Variants in MMP24 observed in about 807,000 individuals in gnomAD.
MMP24 encodes matrix metalloproteinase-24.
A neutral mutation model predicts 62.8 loss-of-function variants in MMP24; 25 were observed. The ratio of observed to expected loss-of-function variants is 0.40; its 90% confidence interval spans 0.29 to 0.56. The LOEUF (loss-of-function observed/expected upper bound fraction) is 0.56. Among genes scored for constraint, MMP24 ranks in the 20% least tolerant of loss-of-function variants. The probability of loss-of-function intolerance (pLI) is 0.50; values close to 1 mark genes in which losing one functional copy is unlikely to be tolerated. For missense variants in MMP24, 634 were observed against 853.6 expected (o/e 0.74, Z 3.21); for synonymous variants, 319 against 350.5 (o/e 0.91, Z 1.00).
At chr20:35,256,946 G>T (rs1053855067) in intron 4 of MMP24, among the ~76,000 whole-genome samples, 2 of 152,078 alleles carry the variant, frequency 1.3e-5, no homozygotes, top group Non-Finnish European at 2.9e-5. Flanking sequence ...TATAAACGGG[G>T]ATTCCCAGGC....
At chr20:35,252,883 A>C (rs1364997913) in intron 3 of MMP24, among the ~76,000 whole-genome samples, 6 of 103,330 alleles carry the variant, frequency 5.8e-5, no homozygotes, top group African/African-American at 1.5e-4. Flanking sequence ...GGCAAGGGCC[A>C]GGCATGGGCA....
At chr20:35,233,376 T>C (rs78059146) in intron 1 of MMP24, among the ~76,000 whole-genome samples, 6,878 of 152,158 alleles carry the variant, frequency 0.045, 519 homozygotes, top group African/African-American at 0.16. Flanking sequence ...ACTACTGTAC[T>C]CCAGCCAAAG....
At chr20:35,228,123 G>A (rs2060422970) in intron 1 of MMP24, among the ~76,000 whole-genome samples, 1 of 152,198 alleles carries the variant, frequency 6.6e-6, no homozygotes, top group Non-Finnish European at 1.5e-5. Flanking sequence ...TGTTTGTTTA[G>A]AAGAATCTGC....
At chr20:35,270,347 A>C (rs936860811) in intron 7 of MMP24, among the ~76,000 whole-genome samples, 1 of 152,262 alleles carries the variant, frequency 6.6e-6, no homozygotes, top group African/African-American at 2.4e-5. Context: ...GTGAGAAGCA[A>C]GGAAGGCATT....
chr20:35,247,240 G>A (rs2060520068), intron 2 of MMP24, among the ~76,000 whole-genome samples: 1 of 152,132 alleles, frequency 6.6e-6, no homozygotes, highest in Non-Finnish European at 1.5e-5. Flanking sequence ...TTCCTTATCA[G>A]TACAGTGAGG....
intron 4 of MMP24, among the ~76,000 whole-genome samples, chr20:35,261,684 C>T (rs2060603513): frequency 6.6e-6 from 1 of 152,130 alleles, no homozygotes; most frequent in African/African-American, 2.4e-5. Context: ...CTGCAGAGAG[C>T]TGCCCACGCC....
intron 4 of MMP24, among the ~76,000 whole-genome samples, chr20:35,259,395 GTCC>G (rs1213381466): frequency 6.6e-6 from 1 of 152,104 alleles, no homozygotes; most frequent in Non-Finnish European, 1.5e-5. Flanking sequence ...CACAAAGCTT[GTCC>G]TCAAGGAACC....
Position 35,274,700 on chromosome 20 carries a change from G to C in MMP24, c.*91G>C. 3 of 1,122,136 alleles carry C rather than the reference G, an allele frequency of 2.7e-6. No homozygotes were observed. Among genetic ancestry groups the C allele is most frequent in the Non-Finnish European group, 3.8e-6 (3 of 795,866 alleles). The allele number at this position is 1,122,136 out of a possible 1,614,324, so 69.5% of individuals were successfully genotyped here. A position where few individuals can be genotyped will look rare whatever the true frequency, so the allele number is the denominator to read the frequency against. ...GGGCAGCTCTGGCCAGTGCTCACCAGGGCCAGCAGGGCCCTAGGCTGGGGT... is the reference window on the plus strand; with the variant it reads ...GGGCAGCTCTGGCCAGTGCTCACCACGGCCAGCAGGGCCCTAGGCTGGGGT... On this transcript the variant is annotated 3_prime_UTR_variant, in exon 9 of 9. Coordinates refer to ENST00000246186, the MANE Select transcript of MMP24 (RefSeq NM_006690.4). This position sits in a 1 kb window ranked among gnomAD's most constrained non-coding sequence, Gnocchi z 5.1.
In MMP24 at chr20:35,267,221, T is replaced by C; in HGVS notation, c.996T>C (p.Pro332=). ...TCTCTCCAGGACCCCCAGCCGAGCC[T>C]CTGGAGCCCACAAGGCCACTCCCTA... The part of the protein sequence containing the change: ...IQKIYGPPAE[P]LEPTRPLPTL... The change falls in exon 6 of 9, where the codon CCT becomes CCC. Residue 332 remains proline, a synonymous_variant. Coordinates refer to ENST00000246186, the MANE Select transcript of MMP24 (RefSeq NM_006690.4). 1 of 1,598,564 alleles carries C rather than the reference T, an allele frequency of 6.3e-7. No homozygotes were observed. The highest frequency in any genetic ancestry group is 1.1e-5 in the South Asian group (1 of 88,290).
intron 2 of MMP24, among the ~76,000 whole-genome samples, chr20:35,249,510 C>A (rs894752072): frequency 6.6e-6 from 1 of 152,180 alleles, no homozygotes; most frequent in African/African-American, 2.4e-5. Context: ...TCCAGTCCTG[C>A]CTTGCTGATT....
At chr20:35,266,562 G>A (rs533670604) in intron 5 of MMP24, among the ~76,000 whole-genome samples, 218 of 152,228 alleles carry the variant, frequency 1.4e-3, no homozygotes, top group Non-Finnish European at 2.4e-3. Context: ...CAGCAAAGGA[G>A]ACTGAGAAAG....
At position 35,276,624 on chromosome 20, in the gene MMP24, G is replaced by T. The variant is rs2060709166; in HGVS notation, c.*2015G>T. The T allele has an allele frequency of 4.4e-6, 1 of 225,532 alleles. No homozygotes were observed. The highest frequency in any genetic ancestry group is 5.8e-5 in the Admixed American group (1 of 17,284). 14.0% of individuals were successfully genotyped at this position (225,532 alleles called of 1,614,324 possible). Reference sequence around the variant, plus strand: ...TTCCTGGTCCCTGTCCACTCCTCAGGTTGGTGCTCTCACTTCTTGAAAGCT... The same window carrying T: ...TTCCTGGTCCCTGTCCACTCCTCAGTTTGGTGCTCTCACTTCTTGAAAGCT... On this transcript the variant is annotated 3_prime_UTR_variant, in exon 9 of 9. Coordinates refer to ENST00000246186, the MANE Select transcript of MMP24 (RefSeq NM_006690.4).
At chr20:35,239,722 G>A (rs747203619) in intron 1 of MMP24, among the ~76,000 whole-genome samples, 1 of 152,198 alleles carries the variant, frequency 6.6e-6, no homozygotes, top group Non-Finnish European at 1.5e-5. Flanking sequence ...AGCTACTCAG[G>A]AGGCTGAGGT....
intron 3 of MMP24, 38 bp from the exon 4 acceptor site, chr20:35,254,412 C>G: frequency 1.3e-6 from 2 of 1,560,560 alleles, no homozygotes; most frequent in Non-Finnish European, 1.8e-6. Flanking sequence ...GTCTCTGACT[C>G]TCTGATCTTG....
At position 35,269,825 on chromosome 20, in the gene MMP24, G is replaced by T. The variant is rs1478550737; in HGVS notation, c.1260G>T (p.Gln420His). Residue 420 changes from glutamine (Q) to histidine (H), a missense_variant, in exon 7 of 9, where the codon CAG becomes CAT. Physicochemically the swap from Gln to His is conservative, Grantham distance 24. Around this residue, in one of 3 missense-constraint regions of MMP24, gnomAD observed 399 missense variants for 530.8 expected, o/e 0.75. Coordinates refer to ENST00000246186, the MANE Select transcript of MMP24 (RefSeq NM_006690.4). The surrounding 1 kb of genome is among the most constrained non-coding windows in gnomAD (Gnocchi z 4.6). Reference sequence around the variant, plus strand: ...AGGGCTACCCCATGCAGATCGAGCAGTTCTGGAAGGGCCTGCCTGCCCGCA... The same window carrying T: ...AGGGCTACCCCATGCAGATCGAGCATTTCTGGAAGGGCCTGCCTGCCCGCA... ...VQEGYPMQIE[Q>H]FWKGLPARID... is the part of the protein sequence containing the mutation. 2.6e-6 allele frequency: 4 copies of T among 1,562,454 alleles called. No individual in the cohort carries two copies. The highest frequency in any genetic ancestry group is 2.7e-5 in the African/African-American group (2 of 73,444).
At chr20:35,256,173 T>C (rs1235640971) in intron 4 of MMP24, 1 of 152,248 alleles carries the variant, frequency 6.6e-6, no homozygotes, top group East Asian at 1.9e-4. Context: ...ATTAAATTTA[T>C]GTATTAAGCA....
Position 35,271,547 on chromosome 20 carries a change from C to G in MMP24, c.1334-22C>G. ...GCACTGAGTGACTGGGGAAGCTGAT[C>G]CTGGGCTCCTCTTGGCCACAGGTGA... On this transcript the variant is annotated intron_variant, in intron 7 of 8. Coordinates refer to ENST00000246186, the MANE Select transcript of MMP24 (RefSeq NM_006690.4). This position sits in a 1 kb window ranked among gnomAD's most constrained non-coding sequence, Gnocchi z 4.0. The G allele has an allele frequency of 6.2e-7, 1 of 1,605,270 alleles. No individual in the cohort carries two copies. Among genetic ancestry groups the G allele is most frequent in the Non-Finnish European group, 8.5e-7 (1 of 1,174,568 alleles).
chr20:35,267,245 T>C lies in MMP24; in HGVS notation c.1020T>C (p.Pro340=). 3 of 1,605,498 alleles carry C rather than the reference T, an allele frequency of 1.9e-6. No homozygotes were observed. Among genetic ancestry groups the C allele is most frequent in the Non-Finnish European group, 2.5e-6 (3 of 1,176,498 alleles). ...AEPLEPTRPL[P]TLPVRRIHSP... is the part of the protein sequence containing the mutation. ...CTCTGGAGCCCACAAGGCCACTCCC[T>C]ACACTCCCCGTCCGCAGGATCCACT... The change falls in exon 6 of 9, where the codon CCT becomes CCC. Residue 340 remains proline, a synonymous_variant. Transcript: ENST00000246186.
chr20:35,258,228 T>C (rs1393936427), intron 4 of MMP24, among the ~76,000 whole-genome samples: 1 of 152,222 alleles, frequency 6.6e-6, no homozygotes, highest in Non-Finnish European at 1.5e-5. Context: ...TTAAATACTT[T>C]AGTATATACC....
Sources: gnomAD v4.1 joint callset for allele counts (sites outside exome capture counted in the v4.1 genomes callset) on GRCh38, gnomAD v4.1.1 for gene constraint, gnomAD v4.1.1 regional missense constraint, Gnocchi (gnomAD v3.1) non-coding constraint, MANE v1.5 for transcripts, NCBI Gene and HGNC (gene_info 2026-07-23, HGNC 2026-07-21) for gene names.